The following GRIN2A variants were observed in gnomAD, a reference collection of about 807,000 sequenced individuals.
The protein encoded by GRIN2A is glutamate ionotropic receptor NMDA type subunit 2A, also known as glutamate receptor ionotropic, NMDA 2A.
Under a neutral mutation model 113.4 loss-of-function variants are expected in GRIN2A, and 22 were observed. The observed-to-expected ratio is 0.19, with a 90% CI of 0.14 to 0.28. The LOEUF is 0.28. GRIN2A is among the 10% of genes least tolerant of loss of function. The pLI is 1.00. For missense variants in GRIN2A, 1,502 were observed against 1,887.0 expected, an observed-to-expected ratio of 0.80 and a Z score of 3.78; for synonymous variants, 827 against 738.4, an observed-to-expected ratio of 1.12 and a Z score of -1.94.
chr16:9,861,324 C>G (rs917401944), intron 4 of GRIN2A, among the ~76,000 whole-genome samples: 1 of 152,118 alleles, frequency 6.6e-6, no homozygotes, highest in Non-Finnish European at 1.5e-5. Flanking sequence ...TTCTCTCCAC[C>G]TGAAATATAA....
At chr16:9,979,162 T>A (rs949743406) in intron 2 of GRIN2A, among the ~76,000 whole-genome samples, 1 of 152,144 alleles carries the variant, frequency 6.6e-6, no homozygotes, top group Non-Finnish European at 1.5e-5. Flanking sequence ...AAAGGAACAC[T>A]AGATCTGGAG....
intron 9 of GRIN2A, among the ~76,000 whole-genome samples, chr16:9,826,391 T>A (rs1205197491): frequency 6.6e-6 from 1 of 152,172 alleles, no homozygotes; most frequent in Admixed American, 6.5e-5. Context: ...TACCCATGAA[T>A]TCACCTATTT....
intron 5 of GRIN2A, 38 bp downstream of exon 5, chr16:9,849,718 G>A: frequency 6.8e-7 from 1 of 1,465,012 alleles, no homozygotes; most frequent in Non-Finnish European, 9.6e-7. Flanking sequence ...ATTTCAAAGG[G>A]TTGGGCACGT....
At chr16:10,099,877 G>A (rs768952950) in intron 2 of GRIN2A, among the ~76,000 whole-genome samples, 1 of 152,194 alleles carries the variant, frequency 6.6e-6, no homozygotes, top group Non-Finnish European at 1.5e-5. Flanking sequence ...CCGAGTGCTG[G>A]GGATATAACA....
At chr16:10,013,114 A>G (rs565728150) in intron 2 of GRIN2A, among the ~76,000 whole-genome samples, 29 of 152,308 alleles carry the variant, frequency 1.9e-4, no homozygotes, top group African/African-American at 6.5e-4. Flanking sequence ...GTGTTTACCT[A>G]TGTAACAAAC....
intron 3 of GRIN2A, among the ~76,000 whole-genome samples, chr16:9,892,232 A>AT (rs2043708947): frequency 1.5e-5 from 2 of 137,720 alleles, no homozygotes; most frequent in Non-Finnish European, 3.1e-5. Flanking sequence ...ACCCTGTCTC[A>AT]GAAAAACAAA....
chr16:9,905,889 G>A (rs2044019672), intron 3 of GRIN2A, among the ~76,000 whole-genome samples: 1 of 152,158 alleles, frequency 6.6e-6, no homozygotes, highest in South Asian at 2.1e-4. Flanking sequence ...CTTCGTCGAG[G>A]AATGTTGCCT....
intron 2 of GRIN2A, among the ~76,000 whole-genome samples, chr16:10,065,850 G>T (rs575295309): frequency 3.9e-5 from 6 of 152,148 alleles, no homozygotes; most frequent in Non-Finnish European, 5.9e-5. Flanking sequence ...ACATTGGGAG[G>T]GGGGGCGCTT....
chr16:9,841,256 G>A (rs920246989), intron 5 of GRIN2A, 152 bp from the exon 6 acceptor site: 7 of 711,124 alleles, frequency 9.8e-6, no homozygotes, highest in South Asian at 9.1e-5. Context: ...GTACATGACA[G>A]CAAAAGCAGA....
intron 2 of GRIN2A, among the ~76,000 whole-genome samples, chr16:10,069,589 C>A (rs934046937): frequency 6.6e-6 from 1 of 152,250 alleles, no homozygotes; most frequent in South Asian, 2.1e-4. Flanking sequence ...GTAGAAGGAC[C>A]CAGATCCCTT....
chr16:10,095,041 G>GACCCCA lies in GRIN2A; in HGVS notation c.414+84956_414+84957insTGGGGT, dbSNP rs1439394938. On this transcript the variant is annotated intron_variant, in intron 2 of 12. Transcript: ENST00000330684. ...ATGAGGTCATAAGAGTAGGACCCCAGGTTGATAGGACTGGTGAACTTGTAA... is the reference window on the plus strand; with the variant it reads ...ATGAGGTCATAAGAGTAGGACCCCAGACCCCAGTTGATAGGACTGGTGAACTTGTAA... 6.6e-5 allele frequency among the ~76,000 whole-genome samples: 10 copies of GACCCCA among 152,066 alleles called. No individual in the cohort carries two copies. In the East Asian group the frequency reaches 1.9e-3, roughly 29 times the overall value.
intron 3 of GRIN2A, among the ~76,000 whole-genome samples, chr16:9,896,605 T>A (rs557330417): frequency 6.6e-6 from 1 of 152,326 alleles, no homozygotes; most frequent in African/African-American, 2.4e-5. Flanking sequence ...AGATTCAATA[T>A]TCTGGGTGAA....
At chr16:10,069,731 T>A (rs72774111) in intron 2 of GRIN2A, among the ~76,000 whole-genome samples, 14,640 of 152,334 alleles carry the variant, frequency 0.096, 783 homozygotes, top group African/African-American at 0.11. Context: ...CAGCCCAGGC[T>A]GGGAGGGCTC....
chr16:9,976,853 C>T (rs1003252655), intron 2 of GRIN2A, among the ~76,000 whole-genome samples: 2 of 152,082 alleles, frequency 1.3e-5, no homozygotes, highest in African/African-American at 2.4e-5. Context: ...CACCACATCG[C>T]GTGACAAATG....
chr16:9,913,752 C>G (rs2044188828), intron 3 of GRIN2A, among the ~76,000 whole-genome samples: 1 of 152,142 alleles, frequency 6.6e-6, no homozygotes, highest in South Asian at 2.1e-4. Context: ...ATTTGATGTT[C>G]TAGGTCCAAC....
intron 4 of GRIN2A, among the ~76,000 whole-genome samples, chr16:9,874,010 C>T (rs1342026525): frequency 1.3e-5 from 2 of 152,204 alleles, no homozygotes; most frequent in Non-Finnish European, 2.9e-5. Flanking sequence ...CATTCTACAA[C>T]TCCCTTTAAG....
chr16:9,780,427 C>T (rs1364180338), intron 11 of GRIN2A, among the ~76,000 whole-genome samples: 1 of 152,158 alleles, frequency 6.6e-6, no homozygotes, highest in Non-Finnish European at 1.5e-5. Flanking sequence ...TGGTTACATG[C>T]AGTAATATGT....
At chr16:10,017,808 A>T (rs980134853) in intron 2 of GRIN2A, among the ~76,000 whole-genome samples, 2 of 147,330 alleles carry the variant, frequency 1.4e-5, no homozygotes, top group Admixed American at 1.4e-4. Context: ...TACAAATAAA[A>T]ACCAATGCAA....
At chr16:10,084,524 T>A (rs1167145690) in intron 2 of GRIN2A, among the ~76,000 whole-genome samples, 1 of 152,162 alleles carries the variant, frequency 6.6e-6, no homozygotes, top group African/African-American at 2.4e-5. Context: ...AAAAGAAAGA[T>A]GTAACAATAT....
Sources: gnomAD v4.1 joint callset for allele counts (sites outside exome capture counted in the v4.1 genomes callset) on GRCh38, gnomAD v4.1.1 for gene constraint, MANE v1.5 for transcripts, NCBI Gene and HGNC (gene_info 2026-07-23, HGNC 2026-07-21) for gene names.